The following SPEN variants were observed in gnomAD, a reference collection of about 807,000 sequenced individuals.
The protein encoded by SPEN is msx2-interacting protein.
Under a neutral mutation model 269.9 loss-of-function variants are expected in SPEN, and 18 were observed. The ratio of observed to expected loss-of-function variants is 0.07; its 90% confidence interval spans 0.05 to 0.10. The LOEUF (loss-of-function observed/expected upper bound fraction) is 0.10, where lower values mean the gene tolerates loss of function less well. SPEN is among the 10% of genes least tolerant of loss of function. SPEN has a pLI of 1.00. For synonymous variants in SPEN, 1,726 were observed against 1,765.7 expected, an observed-to-expected ratio of 0.98 and a Z score of 0.56; for missense variants, 3,822 against 4,631.2, an observed-to-expected ratio of 0.83 and a Z score of 5.07.
chr1:15,872,409 G>T (rs113880030), intron 1 of SPEN, among the ~76,000 whole-genome samples: 6 of 151,834 alleles, frequency 4.0e-5, no homozygotes, highest in South Asian at 2.1e-4. Context: ...TGGCTAACAC[G>T]GTGAAACCCC....
rs1324341846 is a variant in SPEN, at chr1:15,878,327, C to T, written c.881+1649C>T. 2.6e-5 allele frequency among the ~76,000 whole-genome samples: 4 copies of T among 152,084 alleles called. No homozygotes were observed. In the East Asian group the frequency reaches 7.7e-4, roughly 29 times the overall value. ...TAGTTGAATGTCTGTTTTTAGGCTT[C>T]CTGAATTTTCTTATTCAAAATAATA... On this transcript the variant is annotated intron_variant, in intron 3 of 14. Coordinates refer to ENST00000375759, the MANE Select transcript of SPEN (RefSeq NM_015001.3).
chr1:15,938,932 G>C, intron 14 of SPEN, 56 bp downstream of exon 14: 1 of 1,573,706 alleles, frequency 6.4e-7, no homozygotes, highest in Non-Finnish European at 8.6e-7. Flanking sequence ...GGCTGATCAG[G>C]GTAGGTGGGC....
In SPEN at chr1:15,937,531, C is replaced by T. The variant is rs144865606; in HGVS notation, c.10395C>T (p.Pro3465=). The change falls in exon 12 of 15, where the codon CCC becomes CCT. Residue 3465 remains proline, a synonymous_variant. Coordinates refer to ENST00000375759, the MANE Select transcript of SPEN (RefSeq NM_015001.3). The surrounding 1 kb of genome is among the most constrained non-coding windows in gnomAD (Gnocchi z 5.7). ...QPLFVPTTSG[P]STPPGLVLPH... ...TGTTTGTCCCAACAACCTCTGGCCCCAGCACCCCACCAGGACTGGTTCTGC... is the reference window on the plus strand; with the variant it reads ...TGTTTGTCCCAACAACCTCTGGCCCTAGCACCCCACCAGGACTGGTTCTGC... 1.3e-5 allele frequency: 21 copies of T among 1,614,030 alleles called. No homozygotes were observed. Among genetic ancestry groups the T allele is most frequent in the Non-Finnish European group, 1.7e-5 (20 of 1,180,044 alleles).
At position 15,939,085 on chromosome 1, in the gene SPEN, A is replaced by T. The variant is rs1442001525; in HGVS notation, c.10863+209A>T. On this transcript the variant is annotated intron_variant, in intron 14 of 14. Transcript: ENST00000375759. This position sits in a 1 kb window ranked among gnomAD's most constrained non-coding sequence, Gnocchi z 4.1. Reference sequence around the variant, plus strand: ...GAACCGCTGAGAACACAGGTTTTCCATGAGTTTAAAGATAGGGCCCCAGGG... The same window carrying T: ...GAACCGCTGAGAACACAGGTTTTCCTTGAGTTTAAAGATAGGGCCCCAGGG... Among the ~76,000 whole-genome samples, 2 of 152,202 alleles carry T rather than the reference A, an allele frequency of 1.3e-5. No homozygotes were observed.
intron 1 of SPEN, 117 bp from the exon 2 acceptor site, chr1:15,872,699 G>C (rs2070593424): frequency 1.6e-6 from 1 of 630,716 alleles, no homozygotes. Flanking sequence ...CATTTAAAAA[G>C]TCATTTTGCA....
chr1:15,869,637 G>A (rs1403644430), intron 1 of SPEN, among the ~76,000 whole-genome samples: 1 of 150,312 alleles, frequency 6.7e-6, no homozygotes, highest in Non-Finnish European at 1.5e-5. Context: ...TTGCTCTATT[G>A]CCCAGGCTGG....
chr1:15,857,418 G>A (rs1398131086), intron 1 of SPEN, among the ~76,000 whole-genome samples: 1 of 151,818 alleles, frequency 6.6e-6, no homozygotes, highest in Non-Finnish European at 1.5e-5. Flanking sequence ...GTGCAGTGGC[G>A]TGATCTCAGC....
intron 1 of SPEN, among the ~76,000 whole-genome samples, chr1:15,864,470 G>T (rs1245748515): frequency 4.5e-5 from 6 of 132,382 alleles, no homozygotes; most frequent in East Asian, 4.3e-4. Context: ...GTGCCGGCCG[G>T]TTTTTTTTTT....
Position 15,937,813 on chromosome 1 carries a change from A to C in SPEN, c.10511A>C (p.Lys3504Thr). 1 of 1,614,076 alleles carries C rather than the reference A, an allele frequency of 6.2e-7. No homozygotes were observed. Among genetic ancestry groups the C allele is most frequent in the South Asian group, 1.1e-5 (1 of 91,084 alleles). The change falls in exon 13 of 15, where the codon AAG (lysine) becomes ACG (threonine). Residue 3504 changes from lysine (K) to threonine (T), a missense_variant and splice_region_variant. Coordinates refer to ENST00000375759, the MANE Select transcript of SPEN (RefSeq NM_015001.3). This position sits in a 1 kb window ranked among gnomAD's most constrained non-coding sequence, Gnocchi z 5.7. ...TCCTGTTTGTTTCCCTGTGAGCAGAAGTACCCCATCGTGTGGCAGGGCCTG... is the reference window on the plus strand; with the variant it reads ...TCCTGTTTGTTTCCCTGTGAGCAGACGTACCCCATCGTGTGGCAGGGCCTG... ...RPVDMVQLLKKYPIVWQGLLA... is the reference protein window; with the variant it reads ...RPVDMVQLLKTYPIVWQGLLA...
In SPEN at chr1:15,930,404, C is replaced by T; in HGVS notation, c.4164C>T (p.His1388=). The change falls in exon 11 of 15, where the codon CAC becomes CAT. Residue 1388 remains histidine, a synonymous_variant. Coordinates refer to ENST00000375759, the MANE Select transcript of SPEN (RefSeq NM_015001.3). The surrounding 1 kb of genome is among the most constrained non-coding windows in gnomAD (Gnocchi z 5.3). ...CTGATTCTGACGAAGATGGTGAACA[C>T]AAATCCCACTCACCCAGAGCCTCTG... The part of the protein sequence containing the change: ...VPSDSDEDGE[H]KSHSPRASAL... 2 of 1,613,984 alleles carry T rather than the reference C, an allele frequency of 1.2e-6. No individual in the cohort carries two copies. Among genetic ancestry groups the T allele is most frequent in the Non-Finnish European group, 1.7e-6 (2 of 1,179,962 alleles).
Position 15,871,984 on chromosome 1 carries a change from C to T in SPEN, c.84-832C>T, listed in dbSNP as rs553238213. On this transcript the variant is annotated intron_variant, in intron 1 of 14. Coordinates refer to ENST00000375759, the MANE Select transcript of SPEN (RefSeq NM_015001.3). Reference sequence around the variant, plus strand: ...GTGCTGTGGCTCATACCTGTAATCCCAGCACTTTGGGAAGCCAAGGCAGGC... The same window carrying T: ...GTGCTGTGGCTCATACCTGTAATCCTAGCACTTTGGGAAGCCAAGGCAGGC... Among the ~76,000 whole-genome samples the T allele has an allele frequency of 9.9e-5, 15 of 152,122 alleles. No homozygotes were observed. In the South Asian group the frequency reaches 2.7e-3, roughly 27 times the overall value.
Position 15,848,114 on chromosome 1 carries a change from A to G in SPEN, c.47A>G (p.Asn16Ser). 6.7e-7 allele frequency: 1 copy of G among 1,500,496 alleles called. No individual in the cohort carries two copies. Among genetic ancestry groups the G allele is most frequent in the East Asian group, 2.8e-5 (1 of 36,110 alleles). The allele number at this position is 1,500,496 out of a possible 1,614,324, so 92.9% of individuals were successfully genotyped here. A position where few individuals can be genotyped will look rare whatever the true frequency, so the allele number is the denominator to read the frequency against. ...CTCTGGGTGGGCAACTTACCCGAGA[A>G]CGTGCGGGAAGAGAAGATCATCGAG... ...RHLWVGNLPE[N>S]VREEKIIEHF... The change falls in exon 1 of 15, where the codon AAC (asparagine) becomes AGC (serine). Residue 16 changes from asparagine to serine, a missense_variant. Around this residue, in one of 16 missense-constraint regions of SPEN, gnomAD observed 51 missense variants for 56.1 expected, o/e 0.91. Transcript: ENST00000375759. This position sits in a 1 kb window ranked among gnomAD's most constrained non-coding sequence, Gnocchi z 5.1.
intron 3 of SPEN, among the ~76,000 whole-genome samples, chr1:15,888,577 G>A (rs1042999224): frequency 5.3e-5 from 8 of 151,880 alleles, no homozygotes; most frequent in African/African-American, 1.9e-4. Flanking sequence ...GCCCAGCTTT[G>A]CCTCCCAAAG....
intron 5 of SPEN, among the ~76,000 whole-genome samples, chr1:15,915,222 CA>C (rs1310941236): frequency 2.0e-5 from 3 of 152,054 alleles, no homozygotes; most frequent in Non-Finnish European, 4.4e-5. Context: ...ATTTTTAAAA[CA>C]AATCAGGCCA....
At chr1:15,911,002 C>CA (rs1344246899) in intron 4 of SPEN, 99 bp from the exon 5 acceptor site, 32 of 1,071,492 alleles carry the variant, frequency 3.0e-5, no homozygotes, top group Non-Finnish European at 4.3e-5. Context: ...CTGACATGAA[C>CA]AAAAAAATGA....
At chr1:15,924,871 A>AG (rs2071152001) in intron 10 of SPEN, among the ~76,000 whole-genome samples, 1 of 152,156 alleles carries the variant, frequency 6.6e-6, no homozygotes, top group Admixed American at 6.6e-5. Context: ...ATGAGGACGC[A>AG]GGAGGGTGTG....
At chr1:15,873,243 A>T (rs773695152) in intron 2 of SPEN, 107 bp downstream of exon 2, 1 of 1,422,572 alleles carries the variant, frequency 7.0e-7, no homozygotes, top group Middle Eastern at 1.9e-4. Flanking sequence ...GGCATTCTCA[A>T]TGTTTCCTAT....
intron 5 of SPEN, among the ~76,000 whole-genome samples, chr1:15,914,286 A>G (rs2071036556): frequency 6.6e-6 from 1 of 152,216 alleles, no homozygotes; most frequent in Non-Finnish European, 1.5e-5. Flanking sequence ...TTTTAAAAAT[A>G]CCAGTGTTGT....
In SPEN at chr1:15,847,939, CGCCGCTGCCGACGCCACCGCCGCA is replaced by C. The variant is rs2070289190; in HGVS notation, c.-123_-100del. 1.3e-5 allele frequency: 5 copies of C among 399,280 alleles called. 1 individual carries two copies. The highest frequency in any genetic ancestry group is 2.1e-5 in the Non-Finnish European group (5 of 238,900). The allele number at this position is 399,280 out of a possible 1,614,324, so 24.7% of individuals were successfully genotyped here. On this transcript the variant is annotated 5_prime_UTR_variant, in exon 1 of 15. Coordinates refer to ENST00000375759, the MANE Select transcript of SPEN (RefSeq NM_015001.3). The stretch of plus-strand genomic sequence containing the variant: ...CACGGGGGGGAGCCGGAGGAGCCGC[CGCCGCTGCCGACGCCACCGCCGCA>C]GCCGCCGCCGCCGCCGCCCCGGCAC...
Sources: gnomAD v4.1 joint callset for allele counts (sites outside exome capture counted in the v4.1 genomes callset) on GRCh38, gnomAD v4.1.1 for gene constraint, gnomAD v4.1.1 regional missense constraint, Gnocchi (gnomAD v3.1) non-coding constraint, MANE v1.5 for transcripts, NCBI Gene and HGNC (gene_info 2026-07-23, HGNC 2026-07-21) for gene names.